Variants in RAB33A observed in about 807,000 individuals in gnomAD.
RAB33A encodes RAB33A, member RAS oncogene family.
A neutral mutation model predicts 12.0 loss-of-function variants in RAB33A; 6 were observed. The observed-to-expected ratio is 0.50, with a 90% CI of 0.27 to 0.99. The LOEUF is 0.99. Ranked by LOEUF, RAB33A falls within the 50% of genes least tolerant of loss-of-function variation. The pLI is 0.11. For synonymous variants in RAB33A, 70 were observed against 82.4 expected, an observed-to-expected ratio of 0.85 and a Z score of 0.81; for missense variants, 109 against 192.0, an observed-to-expected ratio of 0.57 and a Z score of 2.55.
At chrX:130,145,673 C>T in the RAB33A span, 92,897 of 626,216 alleles carry the variant, frequency 0.15, 5,826 homozygotes, top group Non-Finnish European at 0.17. Flanking sequence ...CTTTAAGGGA[C>T]GTTTTCCAAA....
At chrX:130,168,403 C>T (rs112460147), upstream of RAB33A, among the ~76,000 whole-genome samples, 51,969 of 107,306 alleles carry the variant, frequency 0.48, 10,053 homozygotes, top group African/African-American at 0.68. Context: ...TTAGTAGAGA[C>T]GGGGTTCCAC....
upstream of RAB33A, among the ~76,000 whole-genome samples, chrX:130,169,456 C>A (rs1311519233): frequency 1.8e-5 from 2 of 111,697 alleles, no homozygotes; most frequent in Non-Finnish European, 3.8e-5. Context: ...GCACAATTAA[C>A]ACAAAGGGCA....
chrX:130,156,509 A>G, the RAB33A span: 1 of 1,211,841 alleles, frequency 8.3e-7, no homozygotes, highest in Non-Finnish European at 1.1e-6. Context: ...GGACTAACAC[A>G]GAATTATCGA....
the RAB33A span, among the ~76,000 whole-genome samples, chrX:130,144,301 C>T: frequency 9.0e-6 from 1 of 111,399 alleles, no homozygotes; most frequent in African/African-American, 3.3e-5. Flanking sequence ...ATCCTCCTCA[C>T]GGCCAATGGT....
chrX:130,179,093 C>T (rs2031695223), intron 1 of RAB33A, among the ~76,000 whole-genome samples: 1 of 110,202 alleles, frequency 9.1e-6, no homozygotes, highest in Non-Finnish European at 1.9e-5. Context: ...GCTCCCCTCT[C>T]ACGACAGACA....
At chrX:130,171,892 T>C (rs1044103559), upstream of RAB33A, 22 of 527,442 alleles carry the variant, frequency 4.2e-5, no homozygotes, top group Non-Finnish European at 5.5e-5. Flanking sequence ...AGGCACCCCC[T>C]TCACGCGCGC....
chrX:130,147,774 C>T, the RAB33A span: 14 of 1,210,520 alleles, frequency 1.2e-5, no homozygotes, highest in Admixed American at 4.4e-5. Context: ...ATCCCGAGCC[C>T]GGATGGATCT....
At chrX:130,125,784 A>C in the RAB33A span, among the ~76,000 whole-genome samples, 1 of 111,890 alleles carries the variant, frequency 8.9e-6, no homozygotes, top group Admixed American at 9.5e-5. Flanking sequence ...CTTGTCTCCA[A>C]AACAGGCCCT....
At chrX:130,128,338 C>T in the RAB33A span, among the ~76,000 whole-genome samples, 3 of 111,123 alleles carry the variant, frequency 2.7e-5, no homozygotes, top group African/African-American at 6.5e-5. Context: ...TTTGGGAGGC[C>T]GAGGCGGGCA....
chrX:130,112,392 G>T, the RAB33A span, among the ~76,000 whole-genome samples: 1 of 111,598 alleles, frequency 9.0e-6, no homozygotes, highest in Non-Finnish European at 1.9e-5. Flanking sequence ...TTCACGAATG[G>T]ACAGACACGT....
At chrX:130,152,095 A>G in the RAB33A span, among the ~76,000 whole-genome samples, 1 of 108,337 alleles carries the variant, frequency 9.2e-6, no homozygotes, top group Non-Finnish European at 1.9e-5. Context: ...AAAAAAGGGA[A>G]GAGAAGAGAA....
chrX:130,149,505 T>C, the RAB33A span: 11 of 1,209,859 alleles, frequency 9.1e-6, no homozygotes, highest in African/African-American at 1.2e-4. Context: ...TGTTCTGGTG[T>C]CAGCCCTAAC....
chrX:130,171,834 G>T (rs2031609896), upstream of RAB33A: 3 of 401,242 alleles, frequency 7.5e-6, no homozygotes. Context: ...GTGCCTCCGA[G>T]CTGCAAGGAG....
chrX:130,164,097 G>A, the RAB33A span, among the ~76,000 whole-genome samples: 1 of 107,605 alleles, frequency 9.3e-6, no homozygotes, highest in Non-Finnish European at 1.9e-5. Context: ...GAATCCGGGA[G>A]GCGGAGATTG....
chrX:130,129,918 G>A, the RAB33A span: 1 of 1,190,277 alleles, frequency 8.4e-7, no homozygotes, highest in African/African-American at 1.7e-5. Context: ...TTACAGGAAT[G>A]TTTCTAAGCC....
the RAB33A span, among the ~76,000 whole-genome samples, chrX:130,136,910 C>T: frequency 3.0e-4 from 33 of 111,301 alleles, no homozygotes; most frequent in African/African-American, 9.8e-4. Context: ...GAATTTGGGG[C>T]ATCTGATTCA....
intron 1 of RAB33A, among the ~76,000 whole-genome samples, chrX:130,182,545 G>A (rs750277720): frequency 2.7e-5 from 3 of 109,356 alleles, no homozygotes; most frequent in South Asian, 3.9e-4. Context: ...ACCTGAGATC[G>A]GGAGTTCAAG....
chrX:130,144,735 T>C, the RAB33A span, among the ~76,000 whole-genome samples: 2 of 112,496 alleles, frequency 1.8e-5, no homozygotes, highest in South Asian at 7.4e-4. Context: ...TATGTATTTA[T>C]GTTTCTGCCT....
the RAB33A span, chrX:130,130,143 C>T: frequency 2.1e-5 from 26 of 1,210,084 alleles, no homozygotes; most frequent in Non-Finnish European, 2.7e-5. Context: ...GACTCTGTCT[C>T]ACTCTCTGAT....
Sources: gnomAD v4.1 joint callset for allele counts (sites outside exome capture counted in the v4.1 genomes callset) on GRCh38, gnomAD v4.1.1 for gene constraint, MANE v1.5 for transcripts, NCBI Gene and HGNC (gene_info 2026-07-23, HGNC 2026-07-21) for gene names.